ROS1: variants seen among roughly 807,000 people sequenced by gnomAD.
The protein encoded by ROS1 is ROS proto-oncogene 1, receptor tyrosine kinase, also known as proto-oncogene tyrosine-protein kinase ROS.
A neutral mutation model predicts 273.5 loss-of-function variants in ROS1; 263 were observed. The observed-to-expected ratio is 0.96, with a 90% CI of 0.87 to 1.06. ROS1 has a LOEUF of 1.06. Among genes scored for constraint, ROS1 ranks in the 50% least tolerant of loss-of-function variants. The pLI is 0.00. For missense variants in ROS1, 2,833 were observed against 2,751.1 expected (o/e 1.03, Z -0.67); for synonymous variants, 1,008 against 954.1 (o/e 1.06, Z -1.04).
chr6:117,321,511 T>C, intron 35 of ROS1, 117 bp from the exon 36 acceptor site: 2 of 804,534 alleles, frequency 2.5e-6, no homozygotes, highest in Non-Finnish European at 3.8e-6. Context: ...AGTAGAATAG[T>C]TATAGAAGTT....
chr6:117,419,310 G>A (rs1191788700), intron 1 of ROS1, among the ~76,000 whole-genome samples: 1 of 152,184 alleles, frequency 6.6e-6, no homozygotes, highest in Non-Finnish European at 1.5e-5. Flanking sequence ...GGTTTCCCAT[G>A]TAAGGATGCT....
intron 42 of ROS1, among the ~76,000 whole-genome samples, chr6:117,308,099 T>C (rs1775248498): frequency 6.6e-6 from 1 of 152,140 alleles, no homozygotes; most frequent in East Asian, 1.9e-4. Context: ...AGACAATTCT[T>C]GGAAAAAGTT....
In ROS1 at chr6:117,329,441, C is replaced by A. The variant is rs2128593626; in HGVS notation, c.5236G>T (p.Val1746Phe). The A allele has an allele frequency of 6.6e-7, 1 of 1,519,026 alleles. No individual in the cohort carries two copies. Among genetic ancestry groups the A allele is most frequent in the Non-Finnish European group, 9.1e-7 (1 of 1,097,764 alleles). The allele number at this position is 1,519,026 out of a possible 1,614,324, so 94.1% of individuals were successfully genotyped here. Reference sequence around the variant, plus strand: ...TTGGGAATGCCTGGTTTATTTGGGACTCCAGCTTTAGGGAAAAAAAGAAAA... The same window carrying A: ...TTGGGAATGCCTGGTTTATTTGGGAATCCAGCTTTAGGGAAAAAAAGAAAA... ...LPESFKTKAG[V>F]PNKPGIPKLL... Residue 1746 changes from valine (V) to phenylalanine (F), a missense_variant, in exon 33 of 44, where the codon GTC becomes TTC. Transcript: ENST00000368507.
At chr6:117,329,017 A>T (rs1776854309) in intron 33 of ROS1, among the ~76,000 whole-genome samples, 1 of 152,256 alleles carries the variant, frequency 6.6e-6, no homozygotes, top group South Asian at 2.1e-4. Flanking sequence ...AACATTAAAC[A>T]TCAGCTAAGC....
At chr6:117,393,452 AG>A in intron 11 of ROS1, 131 bp from the exon 12 acceptor site, 1 of 627,754 alleles carries the variant, frequency 1.6e-6, no homozygotes, top group South Asian at 2.2e-5. Flanking sequence ...AAGACAAATG[AG>A]CAAAAAAAAG....
chr6:117,329,853 C>T (rs1776944819), intron 32 of ROS1, among the ~76,000 whole-genome samples: 1 of 152,094 alleles, frequency 6.6e-6, no homozygotes, highest in African/African-American at 2.4e-5. Flanking sequence ...TTGGAAGATC[C>T]CACTCTCGAT....
intron 17 of ROS1, among the ~76,000 whole-genome samples, chr6:117,381,117 C>A (rs949478786): frequency 6.6e-6 from 1 of 151,454 alleles, no homozygotes; most frequent in Non-Finnish European, 1.5e-5. Flanking sequence ...AACCATGGAA[C>A]CAGAACACAG....
intron 34 of ROS1, 127 bp downstream of exon 34, chr6:117,326,097 A>G (rs1294494509): frequency 1.4e-5 from 1 of 73,164 alleles, no homozygotes; most frequent in Non-Finnish European, 2.9e-5. Flanking sequence ...AAGATTATAT[A>G]TATATATATA....
At chr6:117,290,058 G>T (rs1773725837) in intron 43 of ROS1, among the ~76,000 whole-genome samples, 1 of 152,118 alleles carries the variant, frequency 6.6e-6, no homozygotes, top group South Asian at 2.1e-4. Context: ...GGAAAGTTTA[G>T]AATTTCAACA....
At chr6:117,397,143 A>G (rs753556346) in intron 7 of ROS1, 27 bp from the exon 8 acceptor site, 27 of 1,452,108 alleles carry the variant, frequency 1.9e-5, no homozygotes, top group Non-Finnish European at 2.3e-5. Context: ...TGACATAATG[A>G]GCAGAAAAAT....
Position 117,374,295 on chromosome 6 carries a change from A to C in ROS1, c.2582+4764T>G, listed in dbSNP as rs145995798. Among the ~76,000 whole-genome samples the C allele has an allele frequency of 2.8e-3, 419 of 152,330 alleles. 1 individual carries two copies. Among genetic ancestry groups the C allele is most frequent in the African/African-American group, 9.6e-3 (399 of 41,570 alleles). The stretch of plus-strand genomic sequence containing the variant: ...ATGGTACTTGTATAAAAATAGACAC[A>C]CATATCAAAGTAACAAAATAGAGAA... On this transcript the variant is annotated intron_variant, in intron 18 of 43. Transcript: ENST00000368507.
intron 27 of ROS1, 115 bp downstream of exon 27, chr6:117,352,875 A>G: frequency 1.1e-6 from 1 of 887,486 alleles, no homozygotes; most frequent in Non-Finnish European, 1.7e-6. Context: ...AGTTTGGAGC[A>G]AGGATGAGAG....
At chr6:117,317,420 G>T in intron 38 of ROS1, 148 bp from the exon 39 acceptor site, 1 of 874,084 alleles carries the variant, frequency 1.1e-6, no homozygotes, top group Non-Finnish European at 1.7e-6. Flanking sequence ...CCAACTCCTG[G>T]TCTTTGTGCT....
intron 18 of ROS1, among the ~76,000 whole-genome samples, chr6:117,368,837 A>G (rs1197969641): frequency 6.6e-6 from 1 of 152,194 alleles, no homozygotes; most frequent in Non-Finnish European, 1.5e-5. Context: ...AATGTAAAAT[A>G]CAAACAGAAC....
At chr6:117,288,830 A>G (rs1227796152) in intron 43 of ROS1, 28 bp from the exon 44 acceptor site, 3 of 1,519,242 alleles carry the variant, frequency 2.0e-6, no homozygotes, top group Admixed American at 2.1e-5. Context: ...ATGTTATTCT[A>G]GCATGTATTT....
chr6:117,379,296 C>T, intron 17 of ROS1, 137 bp from the exon 18 acceptor site: 2 of 599,978 alleles, frequency 3.3e-6, no homozygotes, highest in Admixed American at 3.1e-5. Flanking sequence ...TTACTTTTTT[C>T]TGACTATAAA....
At chr6:117,391,228 A>T (rs550359668) in intron 12 of ROS1, among the ~76,000 whole-genome samples, 1 of 152,356 alleles carries the variant, frequency 6.6e-6, no homozygotes, top group South Asian at 2.1e-4. Context: ...GGATTGTAGC[A>T]GGCAAAAAGC....
At chr6:117,393,183 C>G (rs1535330) in intron 12 of ROS1, 41 bp downstream of exon 12, 495,658 of 1,132,542 alleles carry the variant, frequency 0.44, 112,716 homozygotes, top group African/African-American at 0.65. Flanking sequence ...ATTATTTATT[C>G]CCAATGGAAG....
At chr6:117,308,981 T>A in intron 41 of ROS1, 53 bp from the exon 42 acceptor site, 1 of 1,557,028 alleles carries the variant, frequency 6.4e-7, no homozygotes, top group Non-Finnish European at 8.8e-7. Context: ...ACACCAGGTT[T>A]ACAGTAGTTT....
Sources: allele counts gnomAD v4.1 joint callset (sites outside exome capture counted in the v4.1 genomes callset), GRCh38; gene constraint gnomAD v4.1.1; transcripts MANE v1.5; gene names NCBI Gene and HGNC (gene_info 2026-07-23, HGNC 2026-07-21).